LIFR: variants seen among roughly 807,000 people sequenced by gnomAD.
The protein encoded by LIFR is leukemia inhibitory factor receptor.
In LIFR, 84 loss-of-function variants were observed where a neutral mutation model predicts 122.2. The observed-to-expected ratio is 0.69, with a 90% CI of 0.58 to 0.82. The LOEUF is 0.82. Ranked by LOEUF, LIFR falls within the 40% of genes least tolerant of loss-of-function variation. The pLI, the probability that LIFR is intolerant of heterozygous loss-of-function variation, is 0.00. For missense variants in LIFR, 1,294 were observed against 1,311.6 expected, an observed-to-expected ratio of 0.99 and a Z score of 0.21; for synonymous variants, 422 against 434.7, an observed-to-expected ratio of 0.97 and a Z score of 0.36.
chr5:38,600,696 C>A (rs1477495711), intron 2 of LIFR, among the ~76,000 whole-genome samples: 1 of 152,120 alleles, frequency 6.6e-6, no homozygotes, highest in Non-Finnish European at 1.5e-5. Flanking sequence ...CTCTCTTGGT[C>A]CCCTAAAAGA....
chr5:38,575,741 T>C (rs1749364875), intron 1 of LIFR, among the ~76,000 whole-genome samples: 1 of 152,092 alleles, frequency 6.6e-6, no homozygotes, highest in Non-Finnish European at 1.5e-5. Flanking sequence ...CTCTCATATC[T>C]CTTCTCCATC....
chr5:38,481,398 G>A lies in LIFR; in HGVS notation c.*197C>T, dbSNP rs1323909923. The A allele has an allele frequency of 1.6e-6, 1 of 621,252 alleles. No homozygotes were observed. The highest frequency in any genetic ancestry group is 1.8e-5 in the African/African-American group (1 of 54,288). 38.5% of individuals were successfully genotyped at this position (621,252 alleles called of 1,614,324 possible). On this transcript the variant is annotated 3_prime_UTR_variant, in exon 20 of 20. Transcript: ENST00000453190. Reference sequence around the variant, plus strand: ...CCCAATCTTGAGTTTTGTGGATTGAGGATTCTGAGTCACTATACTTTGGCT... The same window carrying A: ...CCCAATCTTGAGTTTTGTGGATTGAAGATTCTGAGTCACTATACTTTGGCT...
At chr5:38,535,029 C>A (rs79767527) in intron 1 of LIFR, among the ~76,000 whole-genome samples, 1 of 152,146 alleles carries the variant, frequency 6.6e-6, no homozygotes, top group Non-Finnish European at 1.5e-5. Flanking sequence ...TATCACCTTC[C>A]GTGTACCCAT....
chr5:38,569,132 C>T (rs1441729633), intron 1 of LIFR, among the ~76,000 whole-genome samples: 1 of 152,218 alleles, frequency 6.6e-6, no homozygotes, highest in Non-Finnish European at 1.5e-5. Flanking sequence ...CACCCTGGTA[C>T]CACATCACCC....
In LIFR at chr5:38,477,294, A is replaced by C. The variant is rs1163251416; in HGVS notation, c.*4301T>G. The C allele has an allele frequency of 9.1e-6, 2 of 219,678 alleles. No homozygotes were observed. Among genetic ancestry groups the C allele is most frequent in the Non-Finnish European group, 1.8e-5 (2 of 109,696 alleles). The allele number at this position is 219,678 out of a possible 1,614,324, so 13.6% of individuals were successfully genotyped here. A position where few individuals can be genotyped will look rare whatever the true frequency, so the allele number is the denominator to read the frequency against. On this transcript the variant is annotated 3_prime_UTR_variant, in exon 20 of 20. Transcript: ENST00000453190. The stretch of plus-strand genomic sequence containing the variant: ...TAATTTCCAATGATATTCTAAGGCT[A>C]AGTCTAAAAGATGAATGTTCTGTAA...
intron 1 of LIFR, among the ~76,000 whole-genome samples, chr5:38,551,748 A>C (rs115121213): frequency 0.015 from 2,316 of 152,344 alleles, 99 homozygotes; most frequent in Admixed American, 0.085. Context: ...TCTGTGCAAA[A>C]GTATAGAAAA....
upstream of LIFR, among the ~76,000 whole-genome samples, chr5:38,597,420 A>T (rs1156229374): frequency 1.3e-5 from 2 of 152,216 alleles, no homozygotes; most frequent in African/African-American, 4.8e-5. Flanking sequence ...GCATCCCTCT[A>T]GCCCAGGGGT....
intron 18 of LIFR, among the ~76,000 whole-genome samples, chr5:38,484,412 A>T (rs1024512246): frequency 1.3e-5 from 2 of 152,230 alleles, no homozygotes; most frequent in African/African-American, 4.8e-5. Context: ...AAATGATTAA[A>T]ATGACCAGAT....
chr5:38,477,762 A>T lies in LIFR; in HGVS notation c.*3833T>A. ...TCTGTTGAATCTGTGACACTCTGGG[A>T]TAGGACTCAGTCAAGAAAATTAGTT... On this transcript the variant is annotated 3_prime_UTR_variant, in exon 20 of 20. Coordinates refer to ENST00000453190, the MANE Select transcript of LIFR (RefSeq NM_001127671.2). 4.6e-6 allele frequency: 1 copy of T among 217,334 alleles called. No individual in the cohort carries two copies. Among genetic ancestry groups the T allele is most frequent in the Non-Finnish European group, 9.3e-6 (1 of 107,706 alleles). 13.5% of individuals were successfully genotyped at this position (217,334 alleles called of 1,614,324 possible).
Position 38,535,867 on chromosome 5 carries a change from T to C in LIFR, c.-19-5201A>G, listed in dbSNP as rs144390970. Among the ~76,000 whole-genome samples, 90 of 152,356 alleles carry C rather than the reference T, an allele frequency of 5.9e-4. 1 individual carries two copies. Among genetic ancestry groups the C allele is most frequent in the Middle Eastern group, 6.8e-3 (2 of 294 alleles). On this transcript the variant is annotated intron_variant, in intron 1 of 19. Coordinates refer to ENST00000453190, the MANE Select transcript of LIFR (RefSeq NM_001127671.2). ...ACACTAGGAACCCAAGTTAAAGCTC[T>C]GGCTCCCAAACTGCACTGAGGCACC...
intron 1 of LIFR, among the ~76,000 whole-genome samples, chr5:38,545,516 A>C (rs1747833257): frequency 6.6e-6 from 1 of 152,066 alleles, no homozygotes; most frequent in Non-Finnish European, 1.5e-5. Flanking sequence ...AATTTTTATA[A>C]AATGAGCATT....
intron 1 of LIFR, among the ~76,000 whole-genome samples, chr5:38,545,265 G>A (rs967330586): frequency 2.6e-4 from 38 of 147,080 alleles, no homozygotes; most frequent in African/African-American, 9.1e-4. Context: ...CCAAGACTCC[G>A]TCTCAAAAAA....
intron 1 of LIFR, among the ~76,000 whole-genome samples, chr5:38,542,048 T>C (rs1747618425): frequency 6.6e-6 from 1 of 152,266 alleles, no homozygotes; most frequent in South Asian, 2.1e-4. Flanking sequence ...GGATTCATTT[T>C]AGTTTGAAAA....
intron 7 of LIFR, 85 bp downstream of exon 7, chr5:38,510,378 CA>C: frequency 8.3e-7 from 1 of 1,205,098 alleles, no homozygotes; most frequent in Non-Finnish European, 1.2e-6. Context: ...TCACTCCTCC[CA>C]CCCCCCCACT....
chr5:38,560,861 G>T (rs1748811510), upstream of LIFR, among the ~76,000 whole-genome samples: 1 of 152,066 alleles, frequency 6.6e-6, no homozygotes, highest in Admixed American at 6.5e-5. Flanking sequence ...CTCCCAAAGT[G>T]TTGGGATTAC....
In LIFR at chr5:38,507,197, TC is replaced by T. The variant is rs1360422514; in HGVS notation, c.992-566del. 5.3e-5 allele frequency among the ~76,000 whole-genome samples: 8 copies of T among 152,084 alleles called. No individual in the cohort carries two copies. The South Asian group carries it at 1.7e-3, about 32-fold the overall frequency. ...TTGTTTTTCTCTTTATCAAAACTGC[TC>T]TCCCCAGCTTTAAGGCAGGACTAGA... On this transcript the variant is annotated intron_variant, in intron 7 of 19. Transcript: ENST00000453190.
chr5:38,595,177 A>G (rs903927580), intron 1 of LIFR: 9 of 165,572 alleles, frequency 5.4e-5, no homozygotes, highest in Middle Eastern at 5.1e-3. Flanking sequence ...GCAGAGTGAA[A>G]AGAAATCTAA....
Position 38,478,024 on chromosome 5 carries a change from C to A in LIFR, c.*3571G>T, listed in dbSNP as rs780971288. On this transcript the variant is annotated 3_prime_UTR_variant, in exon 20 of 20. Coordinates refer to ENST00000453190, the MANE Select transcript of LIFR (RefSeq NM_001127671.2). ...AGATAACATTTTAAAAATATTGACA[C>A]GTTAAGGAGTATTTTACTTTCAAAA... 4 of 208,832 alleles carry A rather than the reference C, an allele frequency of 1.9e-5. No homozygotes were observed. Among genetic ancestry groups the A allele is most frequent in the Non-Finnish European group, 2.9e-5 (3 of 102,882 alleles). The allele number at this position is 208,832 out of a possible 1,614,324, so 12.9% of individuals were successfully genotyped here.
intron 1 of LIFR, among the ~76,000 whole-genome samples, chr5:38,590,344 G>A (rs1336963186): frequency 6.6e-6 from 1 of 152,144 alleles, no homozygotes; most frequent in South Asian, 2.1e-4. Context: ...AGAGGGAGAT[G>A]AAAGTAGGGA....
Sources: gnomAD v4.1 joint callset for allele counts (sites outside exome capture counted in the v4.1 genomes callset) on GRCh38, gnomAD v4.1.1 for gene constraint, MANE v1.5 for transcripts, NCBI Gene and HGNC (gene_info 2026-07-23, HGNC 2026-07-21) for gene names.